The following DCAF6 variants were observed in gnomAD, a reference collection of about 807,000 sequenced individuals.
DCAF6 encodes DDB1 and CUL4 associated factor 6, also known as DDB1- and CUL4-associated factor 6.
A neutral mutation model predicts 125.1 loss-of-function variants in DCAF6; 54 were observed. The observed-to-expected ratio is 0.43, with a 90% CI of 0.35 to 0.54. The LOEUF is 0.54. Among genes scored for constraint, DCAF6 ranks in the 20% least tolerant of loss-of-function variants. The probability of loss-of-function intolerance (pLI) is 0.01; values close to 1 mark genes in which losing one functional copy is unlikely to be tolerated. For synonymous variants in DCAF6, 371 were observed against 390.4 expected, an observed-to-expected ratio of 0.95 and a Z score of 0.58; for missense variants, 934 against 1,161.7, an observed-to-expected ratio of 0.80 and a Z score of 2.85.
the DCAF6 span, among the ~76,000 whole-genome samples, chr1:167,910,349 T>G: frequency 6.6e-6 from 1 of 152,206 alleles, no homozygotes. Flanking sequence ...ATTCATTGAC[T>G]CTGGAATGTG....
intron 8 of DCAF6, 144 bp from the exon 9 acceptor site, chr1:168,003,726 T>G (rs920384587): frequency 1.1e-5 from 7 of 657,876 alleles, no homozygotes; most frequent in Non-Finnish European, 1.7e-5. Flanking sequence ...TCTAATAGAT[T>G]TATATACATT....
chr1:167,899,731 T>A, the DCAF6 span: 1 of 1,091,110 alleles, frequency 9.2e-7, no homozygotes, highest in Non-Finnish European at 1.4e-6. Flanking sequence ...CTATACTATC[T>A]CAGAGCAAAA....
intron 18 of DCAF6, among the ~76,000 whole-genome samples, chr1:168,064,588 A>G (rs2101967699): frequency 6.6e-6 from 1 of 152,332 alleles, no homozygotes; most frequent in South Asian, 2.1e-4. Context: ...CAATTTACTC[A>G]TTTTTAAAAG....
At chr1:167,994,473 TCA>T (rs1681349398) in intron 7 of DCAF6, among the ~76,000 whole-genome samples, 2 of 152,180 alleles carry the variant, frequency 1.3e-5, no homozygotes, top group South Asian at 4.1e-4. Flanking sequence ...TGTGCCTCTT[TCA>T]CAGTTACATA....
intron 12 of DCAF6, among the ~76,000 whole-genome samples, chr1:168,032,098 G>A (rs952128401): frequency 1.3e-5 from 2 of 152,216 alleles, no homozygotes; most frequent in African/African-American, 2.4e-5. Flanking sequence ...TTGACATAGA[G>A]TTGAGTTGTG....
At chr1:168,006,486 G>T (rs987875314) in intron 10 of DCAF6, among the ~76,000 whole-genome samples, 1 of 152,168 alleles carries the variant, frequency 6.6e-6, no homozygotes, top group Non-Finnish European at 1.5e-5. Context: ...GGTGTTAGAT[G>T]TAACATCTGA....
At chr1:167,980,925 T>TTC (rs1679025484) in intron 4 of DCAF6, among the ~76,000 whole-genome samples, 1 of 148,978 alleles carries the variant, frequency 6.7e-6, no homozygotes, top group Non-Finnish European at 1.5e-5. Context: ...TCTTTTTTTT[T>TTC]TTTTTTTTTT....
At chr1:167,964,435 TATAG>T (rs938440559) in intron 2 of DCAF6, among the ~76,000 whole-genome samples, 2 of 152,216 alleles carry the variant, frequency 1.3e-5, no homozygotes, top group Non-Finnish European at 2.9e-5. Context: ...TTTGCTCCTC[TATAG>T]ATAATGTTTT....
chr1:167,906,499 T>C, the DCAF6 span, among the ~76,000 whole-genome samples: 17 of 151,682 alleles, frequency 1.1e-4, no homozygotes, highest in African/African-American at 4.1e-4. Context: ...TTAAGAAGGG[T>C]GTGAGATGCT....
At chr1:168,053,053 A>C (rs1690153340) in intron 17 of DCAF6, among the ~76,000 whole-genome samples, 1 of 152,196 alleles carries the variant, frequency 6.6e-6, no homozygotes, top group Non-Finnish European at 1.5e-5. Context: ...GCCTTAAGTC[A>C]GCGTATCTTT....
chr1:168,017,466 A>C (rs916621454), intron 11 of DCAF6, among the ~76,000 whole-genome samples: 8 of 152,108 alleles, frequency 5.3e-5, no homozygotes, highest in Non-Finnish European at 1.0e-4. Flanking sequence ...GAGATTCACT[A>C]ATCTTTTGTA....
At chr1:168,003,416 TA>T (rs1682910638) in intron 8 of DCAF6, among the ~76,000 whole-genome samples, 1 of 152,202 alleles carries the variant, frequency 6.6e-6, no homozygotes, top group African/African-American at 2.4e-5. Flanking sequence ...ATGTTGAAAA[TA>T]AATTGACTTT....
At chr1:167,875,447 G>C in the DCAF6 span, among the ~76,000 whole-genome samples, 3 of 152,206 alleles carry the variant, frequency 2.0e-5, no homozygotes, top group East Asian at 1.9e-4. Context: ...GTCTGCACTG[G>C]TAGAGAAACC....
intron 12 of DCAF6, among the ~76,000 whole-genome samples, chr1:168,037,327 CT>C (rs1050098113): frequency 6.6e-6 from 1 of 151,932 alleles, no homozygotes; most frequent in Admixed American, 6.6e-5. Flanking sequence ...TTGTGATTGT[CT>C]TTGTTATTTT....
chr1:168,000,497 G>A (rs1682452841), intron 7 of DCAF6, among the ~76,000 whole-genome samples: 1 of 152,072 alleles, frequency 6.6e-6, no homozygotes, highest in Non-Finnish European at 1.5e-5. Context: ...CAATTCTTTT[G>A]GGTAGTTCTC....
Position 168,065,668 on chromosome 1 carries a change from C to T in DCAF6, c.2518C>T (p.His840Tyr). 1 of 1,613,378 alleles carries T rather than the reference C, an allele frequency of 6.2e-7. No individual in the cohort carries two copies. The highest frequency in any genetic ancestry group is 8.5e-7 in the Non-Finnish European group (1 of 1,179,570). Residue 840 changes from histidine to tyrosine, a missense_variant, in exon 19 of 22, where the codon CAC becomes TAC. Around this residue, in one of 5 missense-constraint regions of DCAF6, gnomAD observed 559 missense variants for 635.5 expected, o/e 0.88. Transcript: ENST00000367840. The part of the protein sequence containing the change: ...DCGHIFIWDR[H>Y]TAEHLMLLEA... ...TGGCCACATTTTCATCTGGGATCGGCACACTGCTGAGCATTTGATGCTTCT... is the reference window on the plus strand; with the variant it reads ...TGGCCACATTTTCATCTGGGATCGGTACACTGCTGAGCATTTGATGCTTCT...
intron 16 of DCAF6, among the ~76,000 whole-genome samples, chr1:168,048,521 A>T (rs1170107942): frequency 6.6e-6 from 1 of 152,218 alleles, no homozygotes; most frequent in African/African-American, 2.4e-5. Flanking sequence ...AAATATTTAC[A>T]TTCTTATAAT....
At chr1:167,916,405 C>T in the DCAF6 span, among the ~76,000 whole-genome samples, 2 of 152,128 alleles carry the variant, frequency 1.3e-5, no homozygotes, top group Admixed American at 6.5e-5. Flanking sequence ...CGGGGTTTTA[C>T]CATGTTGGCC....
At chr1:167,993,990 A>AGTAACTAATTG in intron 7 of DCAF6, among the ~76,000 whole-genome samples, 1 of 152,230 alleles carries the variant, frequency 6.6e-6, no homozygotes, top group East Asian at 1.9e-4. Flanking sequence ...GTTACTAATT[A>AGTAACTAATTG]CTAATTATAG....
Sources: allele counts gnomAD v4.1 joint callset (sites outside exome capture counted in the v4.1 genomes callset), GRCh38; gene constraint gnomAD v4.1.1; regional missense constraint gnomAD v4.1.1; transcripts MANE v1.5; gene names NCBI Gene and HGNC (gene_info 2026-07-23, HGNC 2026-07-21).